Variants in CDH18 observed in about 807,000 individuals in gnomAD.
CDH18 encodes the protein cadherin-18.
CDH18 carries 31 observed loss-of-function variants against 67.9 expected under a neutral mutation model. The ratio of observed to expected loss-of-function variants is 0.46; its 90% CI spans 0.34 to 0.62. The LOEUF (loss-of-function observed/expected upper bound fraction) is 0.62. Among genes scored for constraint, CDH18 ranks in the 20% least tolerant of loss-of-function variants. The probability of loss-of-function intolerance (pLI) is 0.01; values close to 1 mark genes in which losing one functional copy is unlikely to be tolerated. For missense variants in CDH18, 890 were observed against 975.5 expected, an observed-to-expected ratio of 0.91 and a Z score of 1.17; for synonymous variants, 362 against 347.2, an observed-to-expected ratio of 1.04 and a Z score of -0.48.
Position 20,025,349 on chromosome 5 carries a change from T to G in CDH18, c.-517-33335A>C, listed in dbSNP as rs917303392. On this transcript the variant is annotated intron_variant, in intron 2 of 14. Coordinates refer to the CDH18 transcript ENST00000507958. The stretch of plus-strand genomic sequence containing the variant: ...TATTTGGGATATATGGAGAATTAAT[T>G]TAAATTAATAATCAATAATTACAAC... 2.0e-5 allele frequency among the ~76,000 whole-genome samples: 3 copies of G among 152,290 alleles called. No individual in the cohort carries two copies. The Middle Eastern group carries it at 0.01, about 518-fold the overall frequency.
At chr5:20,516,677 A>C (rs956184076) in intron 1 of CDH18, among the ~76,000 whole-genome samples, 91 of 151,960 alleles carry the variant, frequency 6.0e-4, no homozygotes, top group African/African-American at 2.0e-3. Context: ...ATTTTTAAAA[A>C]TTTTCTTACT....
intron 1 of CDH18, among the ~76,000 whole-genome samples, chr5:20,460,391 C>CTAAA (rs1554003345): frequency 2.3e-4 from 29 of 125,064 alleles, no homozygotes; most frequent in African/African-American, 7.0e-4. Flanking sequence ...GACTCCATCT[C>CTAAA]TAAATACATA....
intron 2 of CDH18, among the ~76,000 whole-genome samples, chr5:19,919,668 T>C (rs1173498634): frequency 6.6e-6 from 1 of 152,224 alleles, no homozygotes; most frequent in East Asian, 1.9e-4. Flanking sequence ...GGACCACTTA[T>C]ACTATTTAAT....
intron 1 of CDH18, among the ~76,000 whole-genome samples, chr5:20,534,451 G>A (rs1360493647): frequency 6.6e-6 from 1 of 151,910 alleles, no homozygotes; most frequent in Admixed American, 6.6e-5. Flanking sequence ...TACCAATGTA[G>A]AGATACAAAA....
chr5:20,531,374 A>T (rs1756386608), intron 1 of CDH18, among the ~76,000 whole-genome samples: 1 of 152,052 alleles, frequency 6.6e-6, no homozygotes, highest in African/African-American at 2.4e-5. Context: ...TTTGACCCAG[A>T]ATCTCATTAC....
intron 2 of CDH18, among the ~76,000 whole-genome samples, chr5:20,133,846 C>T (rs529889636): frequency 6.6e-6 from 1 of 152,102 alleles, no homozygotes; most frequent in East Asian, 1.9e-4. Context: ...TTGGTGTCTG[C>T]CATTAATTTT....
intron 3 of CDH18, among the ~76,000 whole-genome samples, chr5:19,818,645 C>T (rs1779542527): frequency 6.6e-6 from 1 of 152,118 alleles, no homozygotes; most frequent in Admixed American, 6.6e-5. Context: ...CACACAGGCA[C>T]ACAGGCTATA....
chr5:20,130,058 A>T (rs919936515), intron 2 of CDH18, among the ~76,000 whole-genome samples: 1 of 140,430 alleles, frequency 7.1e-6, no homozygotes, highest in South Asian at 2.4e-4. Context: ...TTTAGTGGCA[A>T]TATTATTATT....
intron 7 of CDH18, among the ~76,000 whole-genome samples, chr5:19,575,623 T>C (rs754621864): frequency 2.6e-5 from 4 of 152,226 alleles, no homozygotes; most frequent in Admixed American, 6.5e-5. Context: ...GAAATGAAGC[T>C]GCTTAATGTT....
intron 3 of CDH18, among the ~76,000 whole-genome samples, chr5:19,773,785 A>G (rs1773984662): frequency 6.6e-6 from 1 of 152,224 alleles, no homozygotes; most frequent in Non-Finnish European, 1.5e-5. Flanking sequence ...TGCAGTTGAC[A>G]CATAAATGAG....
At chr5:20,078,759 C>T (rs145883397) in intron 2 of CDH18, among the ~76,000 whole-genome samples, 5,368 of 151,814 alleles carry the variant, frequency 0.035, 316 homozygotes, top group African/African-American at 0.12. Context: ...CCTGCCACCA[C>T]GCCCAGCTAA....
intron 1 of CDH18, among the ~76,000 whole-genome samples, chr5:20,479,904 A>G (rs1581079359): frequency 6.6e-6 from 1 of 152,204 alleles, no homozygotes; most frequent in Admixed American, 6.5e-5. Context: ...GGAAGAAAAA[A>G]CATACAAAGA....
At chr5:20,122,088 A>C (rs1446609898) in intron 2 of CDH18, among the ~76,000 whole-genome samples, 1 of 152,188 alleles carries the variant, frequency 6.6e-6, no homozygotes, top group East Asian at 1.9e-4. Context: ...AAAAAGCAAA[A>C]GTGAAAAGGG....
At chr5:20,571,558 T>C (rs1452971640) in intron 1 of CDH18, among the ~76,000 whole-genome samples, 4 of 152,142 alleles carry the variant, frequency 2.6e-5, no homozygotes, top group Non-Finnish European at 5.9e-5. Flanking sequence ...TTGTGTATTG[T>C]ATATGCTTTG....
intron 1 of CDH18, among the ~76,000 whole-genome samples, chr5:20,338,436 C>T (rs959444740): frequency 6.6e-6 from 1 of 152,148 alleles, no homozygotes; most frequent in Non-Finnish European, 1.5e-5. Context: ...ACCCTCTGGC[C>T]AAAACCTTTA....
At chr5:20,178,772 C>T (rs185078442) in intron 2 of CDH18, among the ~76,000 whole-genome samples, 577 of 152,044 alleles carry the variant, frequency 3.8e-3, no homozygotes, top group Non-Finnish European at 6.8e-3. Context: ...TACAAAATAA[C>T]CAGAGGGTGG....
At chr5:20,332,799 G>A (rs1205070396) in intron 1 of CDH18, among the ~76,000 whole-genome samples, 4 of 152,148 alleles carry the variant, frequency 2.6e-5, no homozygotes, top group Admixed American at 2.6e-4. Context: ...AGGGTTACGG[G>A]TGGCTGAAAA....
At chr5:19,531,640 A>C (rs960740553) in intron 9 of CDH18, among the ~76,000 whole-genome samples, 2 of 143,818 alleles carry the variant, frequency 1.4e-5, no homozygotes, top group Admixed American at 6.9e-5. Context: ...CACACACACA[A>C]ACAAAATTGG....
intron 3 of CDH18, among the ~76,000 whole-genome samples, chr5:19,766,884 T>C (rs1018974903): frequency 2.6e-5 from 4 of 152,192 alleles, no homozygotes; most frequent in Non-Finnish European, 5.9e-5. Context: ...TGTCATTCAA[T>C]ACTTCCCTAT....
Sources: allele counts gnomAD v4.1 joint callset (sites outside exome capture counted in the v4.1 genomes callset), GRCh38; gene constraint gnomAD v4.1.1; transcripts MANE v1.5; gene names NCBI Gene and HGNC (gene_info 2026-07-23, HGNC 2026-07-21).